The following PPP1R9A variants were observed in gnomAD, a reference collection of about 807,000 sequenced individuals.
PPP1R9A encodes the protein protein phosphatase 1 regulatory subunit 9A.
A neutral mutation model predicts 141.9 loss-of-function variants in PPP1R9A; 59 were observed. That is an observed-to-expected ratio of 0.42 (90% CI 0.34 to 0.52). The LOEUF is 0.52. Among genes scored for constraint, PPP1R9A ranks in the 20% least tolerant of loss-of-function variants. PPP1R9A has a pLI of 0.10. For missense variants in PPP1R9A, 1,444 were observed against 1,611.9 expected (o/e 0.90, Z 1.78); for synonymous variants, 500 against 569.7 (o/e 0.88, Z 1.74).
chr7:95,034,572 C>T (rs1015502481), intron 2 of PPP1R9A, among the ~76,000 whole-genome samples: 1 of 152,090 alleles, frequency 6.6e-6, no homozygotes, highest in Admixed American at 6.5e-5. Context: ...CAGCTGGTCT[C>T]GAACTCCTGA....
At position 94,929,599 on chromosome 7, in the gene PPP1R9A, A is replaced by G. The variant is rs563439968; in HGVS notation, c.1395+18091A>G. On this transcript the variant is annotated intron_variant, in intron 2 of 19. Transcript: ENST00000433360. ...TAATATTGTTGGTACATGTTAAGGC[A>G]AGGGCAGATTAAGAAGCTTCCTTTG... is the stretch of plus-strand genomic sequence containing the variant. Among the ~76,000 whole-genome samples, 5 of 152,294 alleles carry G rather than the reference A, an allele frequency of 3.3e-5. No individual in the cohort carries two copies. In the South Asian group the frequency reaches 6.2e-4, roughly 19 times the overall value.
chr7:94,908,806 C>T (rs910887202), intron 1 of PPP1R9A, among the ~76,000 whole-genome samples: 5 of 152,134 alleles, frequency 3.3e-5, no homozygotes, highest in African/African-American at 1.2e-4. Flanking sequence ...AAAAAACAGG[C>T]ACCACACTCC....
chr7:94,979,455 A>G (rs773124252), intron 2 of PPP1R9A, among the ~76,000 whole-genome samples: 111 of 152,338 alleles, frequency 7.3e-4, no homozygotes, highest in Non-Finnish European at 8.5e-4. Context: ...GGTTTTTACA[A>G]AAGATAATAA....
intron 5 of PPP1R9A, among the ~76,000 whole-genome samples, chr7:95,181,547 A>G (rs1053302110): frequency 1.5e-5 from 2 of 137,722 alleles, no homozygotes; most frequent in African/African-American, 5.2e-5. Flanking sequence ...GAATATAGAG[A>G]GAGAATATAT....
intron 2 of PPP1R9A, among the ~76,000 whole-genome samples, chr7:94,929,791 G>A (rs1003255465): frequency 2.0e-5 from 3 of 152,098 alleles, no homozygotes; most frequent in Non-Finnish European, 2.9e-5. Context: ...CAGTGAACAC[G>A]GATGAGACTG....
chr7:95,264,553 C>T (rs1010583952), intron 12 of PPP1R9A, among the ~76,000 whole-genome samples: 1 of 152,146 alleles, frequency 6.6e-6, no homozygotes, highest in Non-Finnish European at 1.5e-5. Flanking sequence ...CTGCTAAAAT[C>T]ATCAAATCCA....
At chr7:95,158,541 A>C (rs1347922026) in intron 4 of PPP1R9A, among the ~76,000 whole-genome samples, 2 of 152,186 alleles carry the variant, frequency 1.3e-5, no homozygotes, top group Admixed American at 6.5e-5. Flanking sequence ...AACTTTGGGC[A>C]GAAAAGTACT....
chr7:94,979,314 T>G (rs1205348510), intron 2 of PPP1R9A, among the ~76,000 whole-genome samples: 1 of 152,248 alleles, frequency 6.6e-6, no homozygotes, highest in Non-Finnish European at 1.5e-5. Context: ...AGTTTATTAA[T>G]AGCCAGGTAT....
chr7:95,141,537 T>C (rs1443037533), intron 4 of PPP1R9A, among the ~76,000 whole-genome samples: 1 of 152,108 alleles, frequency 6.6e-6, no homozygotes, highest in East Asian at 1.9e-4. Flanking sequence ...CTCCTCTCCC[T>C]TCTCTGCCAT....
At chr7:95,133,314 C>T (rs558553647) in intron 4 of PPP1R9A, among the ~76,000 whole-genome samples, 8 of 151,980 alleles carry the variant, frequency 5.3e-5, no homozygotes, top group Admixed American at 4.6e-4. Context: ...GCTTGTAGGT[C>T]GGGTTTCACC....
intron 8 of PPP1R9A, among the ~76,000 whole-genome samples, chr7:95,235,590 A>G (rs920379351): frequency 3.9e-5 from 6 of 152,184 alleles, no homozygotes; most frequent in Non-Finnish European, 4.4e-5. Flanking sequence ...AAACTAGTAC[A>G]ACCACTATGG....
At chr7:94,974,267 G>T (rs1192340318) in intron 2 of PPP1R9A, among the ~76,000 whole-genome samples, 6 of 152,228 alleles carry the variant, frequency 3.9e-5, no homozygotes, top group African/African-American at 1.4e-4. Flanking sequence ...ATTTTTAAAG[G>T]CAGTCTCGGC....
intron 4 of PPP1R9A, chr7:95,155,114 A>G (rs1301097357): frequency 6.6e-6 from 1 of 152,082 alleles, no homozygotes; most frequent in Non-Finnish European, 1.5e-5. Context: ...AAATTTAAAG[A>G]AAAAAGCCAA....
intron 2 of PPP1R9A, among the ~76,000 whole-genome samples, chr7:94,965,789 C>G (rs1798140143): frequency 2.0e-5 from 3 of 150,838 alleles, no homozygotes; most frequent in Admixed American, 1.3e-4. Context: ...TTAGGATTGT[C>G]TTGGCTATAT....
intron 2 of PPP1R9A, among the ~76,000 whole-genome samples, chr7:95,078,691 A>G (rs901054457): frequency 6.6e-6 from 1 of 151,984 alleles, no homozygotes; most frequent in Non-Finnish European, 1.5e-5. Context: ...GTGAGATGCT[A>G]TCTCATTGTG....
At chr7:95,260,003 A>G (rs574682118) in intron 12 of PPP1R9A, among the ~76,000 whole-genome samples, 99 of 152,316 alleles carry the variant, frequency 6.5e-4, no homozygotes, top group Middle Eastern at 3.4e-3. Context: ...CCAATAAATA[A>G]TTTTGACCAT....
chr7:95,259,934 A>G (rs1157411010), intron 12 of PPP1R9A, among the ~76,000 whole-genome samples: 1 of 152,104 alleles, frequency 6.6e-6, no homozygotes, highest in Non-Finnish European at 1.5e-5. Context: ...TACAGATATA[A>G]TGTAAACTTT....
At chr7:95,107,722 C>T (rs576237976) in intron 2 of PPP1R9A, among the ~76,000 whole-genome samples, 4 of 152,132 alleles carry the variant, frequency 2.6e-5, no homozygotes, top group Admixed American at 6.5e-5. Context: ...TTTTGATATC[C>T]ACTAGGGCCT....
chr7:95,043,622 T>C (rs1809573360), intron 2 of PPP1R9A, among the ~76,000 whole-genome samples: 1 of 152,170 alleles, frequency 6.6e-6, no homozygotes, highest in South Asian at 2.1e-4. Flanking sequence ...AGCCCCTGCA[T>C]CTTTGCGGAC....
Sources: allele counts gnomAD v4.1 joint callset (sites outside exome capture counted in the v4.1 genomes callset), GRCh38; gene constraint gnomAD v4.1.1; transcripts MANE v1.5; gene names NCBI Gene and HGNC (gene_info 2026-07-23, HGNC 2026-07-21).